Variants in BARX2 observed in about 807,000 individuals in gnomAD.
BARX2 encodes the protein BARX homeobox 2, also known as homeobox protein BarH-like 2.
A neutral mutation model predicts 25.5 loss-of-function variants in BARX2; 11 were observed. The observed-to-expected ratio is 0.43, with a 90% CI of 0.27 to 0.71. The LOEUF (loss-of-function observed/expected upper bound fraction) is 0.71. Among genes scored for constraint, BARX2 ranks in the 30% least tolerant of loss-of-function variants. The pLI is 0.19. For synonymous variants in BARX2, 137 were observed against 149.5 expected, an observed-to-expected ratio of 0.92 and a Z score of 0.61; for missense variants, 360 against 359.9, an observed-to-expected ratio of 1.00 and a Z score of 0.00.
At chr11:129,413,685 G>A (rs1591437331) in intron 1 of BARX2, among the ~76,000 whole-genome samples, 1 of 152,150 alleles carries the variant, frequency 6.6e-6, no homozygotes, top group South Asian at 2.1e-4. Flanking sequence ...TGAGAGAGGC[G>A]GGTGGAACGG....
chr11:129,397,513 G>A (rs944942594), intron 1 of BARX2, among the ~76,000 whole-genome samples: 4 of 152,162 alleles, frequency 2.6e-5, no homozygotes, highest in Non-Finnish European at 4.4e-5. Context: ...CTTAAATGAT[G>A]CAGTGATCCG....
chr11:129,434,712 C>T (rs555585027), intron 1 of BARX2, among the ~76,000 whole-genome samples: 8 of 152,232 alleles, frequency 5.3e-5, no homozygotes, highest in South Asian at 4.1e-4. Context: ...AATCTTTGTA[C>T]GCATAGACCT....
At chr11:129,391,006 C>G (rs1861660446) in intron 1 of BARX2, among the ~76,000 whole-genome samples, 1 of 152,194 alleles carries the variant, frequency 6.6e-6, no homozygotes, top group African/African-American at 2.4e-5. Flanking sequence ...TGTGATGTTT[C>G]AATACGTCAG....
At chr11:129,420,337 A>G (rs1418518236) in intron 1 of BARX2, among the ~76,000 whole-genome samples, 1 of 152,262 alleles carries the variant, frequency 6.6e-6, no homozygotes. Context: ...ACCCGAGGCC[A>G]TGCAAGCACT....
At chr11:129,414,151 G>A (rs977775370) in intron 1 of BARX2, among the ~76,000 whole-genome samples, 13 of 152,034 alleles carry the variant, frequency 8.6e-5, no homozygotes, top group Admixed American at 8.5e-4. Flanking sequence ...ATTACCGTGA[G>A]GAAGGGAGGT....
chr11:129,411,276 C>G (rs996893441), intron 1 of BARX2, among the ~76,000 whole-genome samples: 1 of 147,950 alleles, frequency 6.8e-6, no homozygotes, highest in Non-Finnish European at 1.5e-5. Context: ...GAGGCTGAGG[C>G]AGGAGAATGG....
At chr11:129,394,036 G>C (rs1187257319) in intron 1 of BARX2, among the ~76,000 whole-genome samples, 1 of 152,128 alleles carries the variant, frequency 6.6e-6, no homozygotes, top group African/African-American at 2.4e-5. Context: ...CCCCATTAGA[G>C]GTCACCAGTA....
intron 1 of BARX2, among the ~76,000 whole-genome samples, chr11:129,398,377 ATGGATGAGTTGTTTCACTTC>A (rs1242251003): frequency 1.3e-5 from 2 of 152,208 alleles, no homozygotes; most frequent in Non-Finnish European, 2.9e-5. Flanking sequence ...CTGGAGTAGC[ATGGATGAGTTGTTTCACTTC>A]TTTTGAACTC....
At chr11:129,407,220 T>A (rs954704092) in intron 1 of BARX2, among the ~76,000 whole-genome samples, 8 of 152,196 alleles carry the variant, frequency 5.3e-5, no homozygotes, top group African/African-American at 1.9e-4. Flanking sequence ...CAGCTTCCTA[T>A]AACCCTACTC....
intron 3 of BARX2, 120 bp from the exon 4 acceptor site, chr11:129,451,016 A>G: frequency 1.5e-6 from 2 of 1,311,498 alleles, no homozygotes; most frequent in Non-Finnish European, 2.1e-6. Flanking sequence ...ATTTTGCCAA[A>G]TCCTGCAATT....
Position 129,376,267 on chromosome 11 carries a change from C to T in BARX2, c.187+45C>T. The T allele has an allele frequency of 6.5e-7, 1 of 1,546,840 alleles. No individual in the cohort carries two copies. The highest frequency in any genetic ancestry group is 1.2e-5 in the South Asian group (1 of 85,232). ...GATAAGTGGGGTTCGGTAGCTTTCACGTCCGTGTAGGTGGCCTGTGCTTTG... is the reference window on the plus strand; with the variant it reads ...GATAAGTGGGGTTCGGTAGCTTTCATGTCCGTGTAGGTGGCCTGTGCTTTG... On this transcript the variant is annotated intron_variant, in intron 1 of 3. Coordinates refer to ENST00000281437, the MANE Select transcript of BARX2 (RefSeq NM_003658.5). This position sits in a 1 kb window ranked among gnomAD's most constrained non-coding sequence, Gnocchi z 4.2.
intron 1 of BARX2, among the ~76,000 whole-genome samples, chr11:129,402,063 A>T (rs1347654341): frequency 6.6e-6 from 1 of 151,298 alleles, no homozygotes; most frequent in Non-Finnish European, 1.5e-5. Flanking sequence ...AGACATAAAT[A>T]TCCTTACATA....
At chr11:129,406,924 C>G (rs1861836432) in intron 1 of BARX2, among the ~76,000 whole-genome samples, 1 of 152,154 alleles carries the variant, frequency 6.6e-6, no homozygotes, top group Non-Finnish European at 1.5e-5. Flanking sequence ...CTTCTGTTTT[C>G]AAGTATCCAA....
At chr11:129,405,639 CAG>C (rs1462556560) in intron 1 of BARX2, among the ~76,000 whole-genome samples, 5 of 152,098 alleles carry the variant, frequency 3.3e-5, no homozygotes, top group African/African-American at 9.7e-5. Context: ...GATGACAGAA[CAG>C]AGAGTACTGA....
At chr11:129,393,521 T>C (rs754869571) in intron 1 of BARX2, among the ~76,000 whole-genome samples, 13 of 142,274 alleles carry the variant, frequency 9.1e-5, no homozygotes, top group Non-Finnish European at 1.7e-4. Flanking sequence ...TAGGATATCC[T>C]TTTTTTTTTT....
intron 3 of BARX2, among the ~76,000 whole-genome samples, chr11:129,445,665 T>C (rs553975517): frequency 5.4e-4 from 82 of 152,294 alleles, no homozygotes; most frequent in African/African-American, 1.8e-3. Context: ...GCCATGGAGA[T>C]GCAAAGATAA....
At chr11:129,413,949 C>T (rs532049183) in intron 1 of BARX2, among the ~76,000 whole-genome samples, 173 of 152,076 alleles carry the variant, frequency 1.1e-3, no homozygotes, top group African/African-American at 4.1e-3. Flanking sequence ...GCCTGTATTC[C>T]CAGCTACTGG....
chr11:129,421,144 G>A lies in BARX2; in HGVS notation c.188-15607G>A, dbSNP rs117858839. On this transcript the variant is annotated intron_variant, in intron 1 of 3. Transcript: ENST00000281437. ...TGGTCCTGGTAGCCAGTTGGATACC[G>A]TGGTTTGCGAACCGATGTGCATTGT... Among the ~76,000 whole-genome samples, 304 of 152,308 alleles carry A rather than the reference G, an allele frequency of 2.0e-3. 3 individuals carry two copies. In the East Asian group the frequency reaches 0.024, roughly 12 times the overall value.
intron 1 of BARX2, among the ~76,000 whole-genome samples, chr11:129,423,902 C>T (rs1862036212): frequency 6.6e-6 from 1 of 151,244 alleles, no homozygotes; most frequent in South Asian, 2.1e-4. Flanking sequence ...CTCTATTGCC[C>T]AGGCTGGAGT....
Sources: allele counts gnomAD v4.1 joint callset (sites outside exome capture counted in the v4.1 genomes callset), GRCh38; gene constraint gnomAD v4.1.1; non-coding constraint Gnocchi (gnomAD v3.1); transcripts MANE v1.5; gene names NCBI Gene and HGNC (gene_info 2026-07-23, HGNC 2026-07-21).